The following ZNF609 variants were observed in gnomAD, a reference collection of about 807,000 sequenced individuals.
ZNF609 encodes zinc finger protein 609.
ZNF609 carries 11 observed loss-of-function variants against 109.5 expected under a neutral mutation model. The ratio of observed to expected loss-of-function variants is 0.10; its 90% CI spans 0.06 to 0.17. The LOEUF is 0.17. Ranked by LOEUF, ZNF609 falls within the 10% of genes least tolerant of loss-of-function variation. The probability of loss-of-function intolerance (pLI) is 1.00; values close to 1 mark genes in which losing one functional copy is unlikely to be tolerated. For synonymous variants in ZNF609, 646 were observed against 662.0 expected (o/e 0.98, Z 0.37); for missense variants, 1,559 against 1,772.4 (o/e 0.88, Z 2.16).
intron 3 of ZNF609, among the ~76,000 whole-genome samples, chr15:64,634,948 T>C (rs1423953864): frequency 6.6e-6 from 1 of 152,198 alleles, no homozygotes; most frequent in Non-Finnish European, 1.5e-5. Flanking sequence ...GAGGATACTT[T>C]AGGGCAGTGA....
intron 2 of ZNF609, among the ~76,000 whole-genome samples, chr15:64,580,796 G>A (rs1895087958): frequency 6.6e-6 from 1 of 151,762 alleles, no homozygotes; most frequent in African/African-American, 2.4e-5. Context: ...GCCTCCCAAA[G>A]TGCTAGGATG....
At chr15:64,551,408 C>T (rs1894469743) in intron 2 of ZNF609, among the ~76,000 whole-genome samples, 2 of 152,226 alleles carry the variant, frequency 1.3e-5, no homozygotes, top group East Asian at 3.9e-4. Flanking sequence ...GTAATCCCAG[C>T]ACTTTGGGAG....
rs928657562 is a variant in ZNF609 at position 64,530,189 on chromosome 15, A to T, written c.747+30023A>T. Among the ~76,000 whole-genome samples, 6 of 150,976 alleles carry T rather than the reference A, an allele frequency of 4.0e-5. No individual in the cohort carries two copies. In the South Asian group the frequency reaches 1.3e-3, roughly 32 times the overall value. On this transcript the variant is annotated intron_variant, in intron 2 of 9. Coordinates refer to ENST00000326648, the MANE Select transcript of ZNF609 (RefSeq NM_015042.2). ...GCCACCACGCCTGGCTAATTTTTGT[A>T]TTTTTTGGTAGAGATGGGGTTTCAT...
intron 3 of ZNF609, among the ~76,000 whole-genome samples, chr15:64,639,151 C>T (rs1414035959): frequency 6.6e-6 from 1 of 152,114 alleles, no homozygotes; most frequent in African/African-American, 2.4e-5. Context: ...AAAAAATGCT[C>T]CCCAAGAAAT....
At chr15:64,680,053 G>A in intron 6 of ZNF609, 132 bp from the exon 7 acceptor site, 1 of 967,590 alleles carries the variant, frequency 1.0e-6, no homozygotes, top group South Asian at 1.6e-5. Flanking sequence ...AACAGTCTCA[G>A]CCAAAGACAC....
At chr15:64,643,676 G>A (rs191242048) in intron 3 of ZNF609, 1 of 152,288 alleles carries the variant, frequency 6.6e-6, no homozygotes, top group East Asian at 1.9e-4. Context: ...TTTGGCACCA[G>A]TGTAAAGTGT....
intron 1 of ZNF609, among the ~76,000 whole-genome samples, chr15:64,482,896 C>G (rs1283585920): frequency 6.6e-6 from 1 of 152,134 alleles, no homozygotes; most frequent in Non-Finnish European, 1.5e-5. Flanking sequence ...ACGGTAAATA[C>G]TTGCCTAGGT....
intron 2 of ZNF609, among the ~76,000 whole-genome samples, chr15:64,534,848 C>T (rs969212339): frequency 1.3e-5 from 2 of 151,954 alleles, no homozygotes; most frequent in Non-Finnish European, 2.9e-5. Flanking sequence ...GTCTGCCCAA[C>T]GTGGTGAAAC....
chr15:64,484,716 C>T (rs1366032752), intron 1 of ZNF609, among the ~76,000 whole-genome samples: 3 of 147,868 alleles, frequency 2.0e-5, no homozygotes, highest in Non-Finnish European at 4.4e-5. Context: ...TGGCTTATGC[C>T]TGTAATCCCA....
At chr15:64,649,066 C>G (rs1476269079) in intron 3 of ZNF609, among the ~76,000 whole-genome samples, 1 of 151,668 alleles carries the variant, frequency 6.6e-6, no homozygotes, top group Non-Finnish European at 1.5e-5. Context: ...TTTGGTTGGG[C>G]AAATTCTGAC....
chr15:64,517,614 A>G (rs953910309), intron 2 of ZNF609, among the ~76,000 whole-genome samples: 1 of 151,974 alleles, frequency 6.6e-6, no homozygotes. Context: ...TCACACCTGT[A>G]GTCCCAGCTA....
At chr15:64,663,582 G>C (rs1896608962) in intron 3 of ZNF609, among the ~76,000 whole-genome samples, 2 of 152,086 alleles carry the variant, frequency 1.3e-5, no homozygotes, top group African/African-American at 2.4e-5. Flanking sequence ...AGAAGTTTGA[G>C]TCATCAGCTA....
intron 1 of ZNF609, among the ~76,000 whole-genome samples, chr15:64,467,095 C>G (rs751748267): frequency 2.1e-4 from 32 of 152,156 alleles, no homozygotes; most frequent in Non-Finnish European, 4.0e-4. Flanking sequence ...ATCAGAGTCC[C>G]AGAAATAAGA....
chr15:64,485,101 A>T (rs1252510535), intron 1 of ZNF609, among the ~76,000 whole-genome samples: 1 of 152,204 alleles, frequency 6.6e-6, no homozygotes, highest in African/African-American at 2.4e-5. Context: ...GATAAAAATA[A>T]ACTTCCATCT....
Position 64,628,321 on chromosome 15 carries a change from T to C in ZNF609, c.973+5269T>C, listed in dbSNP as rs1390274192. On this transcript the variant is annotated intron_variant, in intron 3 of 9. Transcript: ENST00000326648. ...ATCTCAAAAAAAGAAAAGAAACATG[T>C]AATCAGCATGGATCCAACACTGGTT... is the stretch of plus-strand genomic sequence containing the variant. Among the ~76,000 whole-genome samples, 4 of 151,710 alleles carry C rather than the reference T, an allele frequency of 2.6e-5. No homozygotes were observed. The East Asian group carries it at 8.0e-4, about 30-fold the overall frequency.
chr15:64,489,352 AT>A (rs903690236), intron 1 of ZNF609, among the ~76,000 whole-genome samples: 19 of 148,728 alleles, frequency 1.3e-4, no homozygotes, highest in Non-Finnish European at 2.2e-4. Context: ...CGCCCGGCTA[AT>A]TTTTTTTTAG....
intron 7 of ZNF609, 57 bp from the exon 8 acceptor site, chr15:64,680,586 TGTG>T: frequency 7.3e-7 from 1 of 1,370,530 alleles, no homozygotes. Context: ...TGTGTGTGTG[TGTG>T]GTTGTATGCA....
chr15:64,500,184 A>G lies in ZNF609; in HGVS notation c.747+18A>G, dbSNP rs752305643. 5.0e-6 allele frequency: 8 copies of G among 1,610,292 alleles called. No individual in the cohort carries two copies. The highest frequency in any genetic ancestry group is 4.5e-5 in the East Asian group (2 of 44,840). ...CTGAAAAGGTAAGAGGTGGCCAGAT[A>G]TGGCTGCCCACTGACTGCCAGTCAG... On this transcript the variant is annotated intron_variant, in intron 2 of 9. Coordinates refer to ENST00000326648, the MANE Select transcript of ZNF609 (RefSeq NM_015042.2).
intron 3 of ZNF609, among the ~76,000 whole-genome samples, chr15:64,650,588 A>G (rs927103035): frequency 1.1e-4 from 16 of 152,210 alleles, no homozygotes; most frequent in Admixed American, 9.8e-4. Context: ...ATCTGTACAC[A>G]AAACAGTACC....
Sources: gnomAD v4.1 joint callset for allele counts (sites outside exome capture counted in the v4.1 genomes callset) on GRCh38, gnomAD v4.1.1 for gene constraint, MANE v1.5 for transcripts, NCBI Gene and HGNC (gene_info 2026-07-23, HGNC 2026-07-21) for gene names.